The following GTF3C5 variants were observed in gnomAD, a reference collection of about 807,000 sequenced individuals.
GTF3C5 encodes general transcription factor 3C polypeptide 5.
GTF3C5 carries 47 observed loss-of-function variants against 61.0 expected under a neutral mutation model. The ratio of observed to expected loss-of-function variants is 0.77; its 90% CI spans 0.61 to 0.98. The LOEUF is 0.98. Among genes scored for constraint, GTF3C5 ranks in the 50% least tolerant of loss-of-function variants. The pLI, the probability that GTF3C5 is intolerant of heterozygous loss-of-function variation, is 0.00. For missense variants in GTF3C5, 659 were observed against 703.3 expected, an observed-to-expected ratio of 0.94 and a Z score of 0.71; for synonymous variants, 295 against 275.4, an observed-to-expected ratio of 1.07 and a Z score of -0.71.
chr9:133,041,507 C>G (rs1461577978), intron 1 of GTF3C5, among the ~76,000 whole-genome samples: 4 of 152,198 alleles, frequency 2.6e-5, no homozygotes, highest in Non-Finnish European at 4.4e-5. Flanking sequence ...GTAAGGGCCC[C>G]CTGTCCAGTG....
In GTF3C5 at chr9:133,055,135, C is replaced by T. The variant is rs545900688; in HGVS notation, c.1167+326C>T. On this transcript the variant is annotated intron_variant, in intron 8 of 10. Coordinates refer to ENST00000372097, the MANE Select transcript of GTF3C5 (RefSeq NM_012087.4). ...GCCACGTGACCACTCCGGGAATGAT[C>T]GGAATTGGGCACACACAGGAGGACA... 1,385 of 1,547,740 alleles carry T rather than the reference C, an allele frequency of 8.9e-4. 2 individuals are homozygous for T. Among genetic ancestry groups the T allele is most frequent in the Non-Finnish European group, 1.1e-3 (1,303 of 1,145,844 alleles).
At chr9:133,056,145 G>A (rs772953630) in intron 9 of GTF3C5, 51 bp downstream of exon 9, 1 of 1,470,784 alleles carries the variant, frequency 6.8e-7, no homozygotes, top group Non-Finnish European at 9.5e-7. Flanking sequence ...TGGGACCCAG[G>A]GACCAAAGCG....
rs780666403 is a variant in GTF3C5, at chr9:133,054,397, C to A, written c.989-11C>A. On this transcript the variant is annotated splice_polypyrimidine_tract_variant and intron_variant, in intron 6 of 10. Coordinates refer to ENST00000372097, the MANE Select transcript of GTF3C5 (RefSeq NM_012087.4). ...TGCCCGCCCACCTGACTTGCCCGCC[C>A]TCGCCTACAGGTTACGCCCCCAGTG... 1.9e-5 allele frequency: 31 copies of A among 1,613,446 alleles called. No homozygotes were observed. The highest frequency in any genetic ancestry group is 2.5e-5 in the Non-Finnish European group (30 of 1,179,564).
chr9:133,047,232 C>T (rs1488329478), intron 3 of GTF3C5, among the ~76,000 whole-genome samples: 1 of 152,080 alleles, frequency 6.6e-6, no homozygotes, highest in Non-Finnish European at 1.5e-5. Flanking sequence ...CACTTTTTCC[C>T]GATTGTCTCA....
chr9:133,031,868 TACAGAGCAGGTGACTCAGGATGACTAAGG>T (rs1245339675), intron 1 of GTF3C5, among the ~76,000 whole-genome samples: 5 of 152,094 alleles, frequency 3.3e-5, no homozygotes, highest in African/African-American at 1.2e-4. Flanking sequence ...GAAGGATGGT[TACAGAGCAGGTGACTCAGGATGACTAAGG>T]ACAGAGCAGG....
At chr9:133,046,788 C>T (rs1430887398) in intron 3 of GTF3C5, among the ~76,000 whole-genome samples, 1 of 152,146 alleles carries the variant, frequency 6.6e-6, no homozygotes, top group Non-Finnish European at 1.5e-5. Context: ...GAGCTGACAT[C>T]TGGAGCTGAG....
At chr9:133,048,514 A>G (rs1389126717) in intron 3 of GTF3C5, among the ~76,000 whole-genome samples, 1 of 152,106 alleles carries the variant, frequency 6.6e-6, no homozygotes, top group Non-Finnish European at 1.5e-5. Context: ...AATAATATAC[A>G]AAAAATTAGC....
At chr9:133,055,372 G>C in intron 8 of GTF3C5, 9 of 1,314,290 alleles carry the variant, frequency 6.8e-6, no homozygotes, top group Non-Finnish European at 8.0e-6. Context: ...GCAGAGATGA[G>C]TGCAGCAGAG....
chr9:133,040,203 C>T (rs1259297028), intron 1 of GTF3C5, among the ~76,000 whole-genome samples: 3 of 152,150 alleles, frequency 2.0e-5, no homozygotes, highest in Admixed American at 2.0e-4. Context: ...CCCGCCCCAT[C>T]GGGACTCAGA....
chr9:133,030,990 G>A (rs201923823), upstream of GTF3C5: 1,219 of 1,611,606 alleles, frequency 7.6e-4, 7 homozygotes, highest in African/African-American at 0.013. Context: ...GGACCCTGGC[G>A]GGCCCTGCCA....
At chr9:133,052,405 C>T (rs966058719) in intron 5 of GTF3C5, among the ~76,000 whole-genome samples, 2 of 135,674 alleles carry the variant, frequency 1.5e-5, no homozygotes, top group African/African-American at 5.4e-5. Context: ...TTCCTTCCCC[C>T]CTGTCCTGGC....
rs1479753570 is a variant in GTF3C5 at position 133,044,186 on chromosome 9, T to C, written c.572+260T>C. ...AAAAAAAAAGAAAATGGGATGACAG[T>C]AGTACTACCCAACAGACGTATTGGG... is the stretch of plus-strand genomic sequence containing the variant. On this transcript the variant is annotated intron_variant, in intron 3 of 10. Coordinates refer to ENST00000372097, the MANE Select transcript of GTF3C5 (RefSeq NM_012087.4). The C allele has an allele frequency of 6.0e-6, 3 of 501,730 alleles. No homozygotes were observed. The African/African-American group carries it at 6.2e-5, about 10-fold the overall frequency. 31.1% of individuals were successfully genotyped at this position (501,730 alleles called of 1,614,324 possible). A position where few individuals can be genotyped will look rare whatever the true frequency, so the allele number is the denominator to read the frequency against.
Position 133,050,775 on chromosome 9 carries a change from G to A in GTF3C5, c.573-8G>A, listed in dbSNP as rs367544043. ...GCTCCTGTTCTCACCTGTACTCTCT[G>A]CCCCCAGGGAAGGCTACAACAATCC... On this transcript the variant is annotated splice_polypyrimidine_tract_variant and splice_region_variant and intron_variant, in intron 3 of 10. Transcript: ENST00000372097. The A allele has an allele frequency of 2.5e-6, 4 of 1,606,650 alleles. No homozygotes were observed. Among genetic ancestry groups the A allele is most frequent in the Middle Eastern group, 3.3e-4 (2 of 6,036 alleles).
chr9:133,030,824 C>T (rs1439242831), upstream of GTF3C5: 10 of 698,540 alleles, frequency 1.4e-5, no homozygotes, highest in East Asian at 2.7e-4. Flanking sequence ...GGTCGTTTTC[C>T]CGAAGACATG....
At chr9:133,041,773 C>T (rs1354817355) in intron 1 of GTF3C5, among the ~76,000 whole-genome samples, 1 of 152,180 alleles carries the variant, frequency 6.6e-6, no homozygotes, top group Non-Finnish European at 1.5e-5. Context: ...CTGGTCCCTA[C>T]AAAGATAAGG....
intron 4 of GTF3C5, among the ~76,000 whole-genome samples, chr9:133,051,716 T>C (rs1366906948): frequency 1.3e-5 from 2 of 152,192 alleles, no homozygotes; most frequent in Non-Finnish European, 2.9e-5. Flanking sequence ...GTTCTGTAGA[T>C]TGGGGCAGCA....
At position 133,051,656 on chromosome 9, in the gene GTF3C5, C is replaced by T. The variant is rs181851448; in HGVS notation, c.769-404C>T. 6.0e-4 allele frequency among the ~76,000 whole-genome samples: 91 copies of T among 152,346 alleles called. 1 individual carries two copies. Among genetic ancestry groups the T allele is most frequent in the African/African-American group, 2.1e-3 (86 of 41,578 alleles). On this transcript the variant is annotated intron_variant, in intron 4 of 10. Coordinates refer to ENST00000372097, the MANE Select transcript of GTF3C5 (RefSeq NM_012087.4). ...CCACACTGACCTTTGCAGTCCTCCC[C>T]GGGCCAGGCTGTCCCCTTCAGCCCT...
intron 6 of GTF3C5, 83 bp from the exon 7 acceptor site, chr9:133,054,325 A>G: frequency 8.6e-7 from 1 of 1,168,836 alleles, no homozygotes; most frequent in Non-Finnish European, 1.3e-6. Context: ...CATGGACCCA[A>G]CTCCCATCTC....
chr9:133,048,428 C>T (rs953687935), intron 3 of GTF3C5, among the ~76,000 whole-genome samples: 6 of 151,552 alleles, frequency 4.0e-5, no homozygotes, highest in African/African-American at 1.2e-4. Flanking sequence ...ACCCGCGAGG[C>T]GGAGCTTGCA....
Sources: allele counts gnomAD v4.1 joint callset (sites outside exome capture counted in the v4.1 genomes callset), GRCh38; gene constraint gnomAD v4.1.1; transcripts MANE v1.5; gene names NCBI Gene and HGNC (gene_info 2026-07-23, HGNC 2026-07-21).